TLK1: variants seen among roughly 807,000 people sequenced by gnomAD.
TLK1 encodes the protein serine/threonine-protein kinase tousled-like 1.
TLK1 carries 24 observed loss-of-function variants against 105.3 expected under a neutral mutation model. That is an observed-to-expected ratio of 0.23 (90% confidence interval 0.17 to 0.32). TLK1 has a LOEUF of 0.32. Ranked by LOEUF, TLK1 falls within the 10% of genes least tolerant of loss-of-function variation. The probability of loss-of-function intolerance (pLI) is 1.00; values close to 1 mark genes in which losing one functional copy is unlikely to be tolerated. For missense variants in TLK1, 558 were observed against 910.5 expected (o/e 0.61, Z 4.98); for synonymous variants, 321 against 310.4 (o/e 1.03, Z -0.36).
intron 11 of TLK1, among the ~76,000 whole-genome samples, chr2:171,044,272 A>G (rs1686832965): frequency 1.3e-5 from 2 of 152,156 alleles, no homozygotes. Flanking sequence ...AACAATAAAA[A>G]ATAAAAATAA....
intron 2 of TLK1, among the ~76,000 whole-genome samples, chr2:171,114,180 C>T (rs925013645): frequency 6.6e-6 from 1 of 151,872 alleles, no homozygotes; most frequent in African/African-American, 2.4e-5. Flanking sequence ...CCCAACTATA[C>T]TAAAAAACAA....
intron 1 of TLK1, among the ~76,000 whole-genome samples, chr2:171,229,243 G>A (rs13420362): frequency 0.054 from 8,275 of 152,188 alleles, 485 homozygotes; most frequent in East Asian, 0.25. Context: ...GGAAGGAACT[G>A]GAAATCTCAT....
At chr2:171,069,691 G>A (rs1189173800) in intron 3 of TLK1, among the ~76,000 whole-genome samples, 4 of 152,086 alleles carry the variant, frequency 2.6e-5, no homozygotes, top group South Asian at 4.2e-4. Flanking sequence ...CTAACTGTAC[G>A]GTGTGCTTTT....
chr2:171,020,823 G>A (rs1481357137), intron 12 of TLK1, among the ~76,000 whole-genome samples: 3 of 152,062 alleles, frequency 2.0e-5, no homozygotes, highest in Non-Finnish European at 4.4e-5. Context: ...GAATAATTGT[G>A]TAGATTGGGG....
intron 10 of TLK1, among the ~76,000 whole-genome samples, chr2:171,049,433 A>G (rs1687126501): frequency 6.6e-6 from 1 of 152,212 alleles, no homozygotes; most frequent in Non-Finnish European, 1.5e-5. Context: ...GCTGAACATT[A>G]ACATGTAAGG....
intron 1 of TLK1, among the ~76,000 whole-genome samples, chr2:171,150,623 AAG>A (rs1691994540): frequency 6.6e-6 from 1 of 152,218 alleles, no homozygotes; most frequent in Non-Finnish European, 1.5e-5. Context: ...GACATCAGGA[AAG>A]AGAAGCTGTC....
intron 1 of TLK1, among the ~76,000 whole-genome samples, chr2:171,202,058 T>C (rs1481515411): frequency 1.3e-5 from 2 of 152,238 alleles, no homozygotes; most frequent in African/African-American, 4.8e-5. Flanking sequence ...TAATGTTTAT[T>C]GAGTTCTTAC....
chr2:171,187,057 C>CAAA (rs71013019), intron 1 of TLK1, among the ~76,000 whole-genome samples: 14 of 34,020 alleles, frequency 4.1e-4, no homozygotes, highest in Non-Finnish European at 4.9e-4. Context: ...GACTCTGTCT[C>CAAA]AAAAAAAAAA....
At chr2:171,187,007 G>A (rs1347192787) in intron 1 of TLK1, among the ~76,000 whole-genome samples, 1 of 123,362 alleles carries the variant, frequency 8.1e-6, no homozygotes, top group Non-Finnish European at 1.6e-5. Flanking sequence ...GCAGTGAGCC[G>A]AGATCATGCC....
At chr2:171,225,274 T>C (rs1693878086) in intron 1 of TLK1, among the ~76,000 whole-genome samples, 1 of 152,092 alleles carries the variant, frequency 6.6e-6, no homozygotes, top group South Asian at 2.1e-4. Flanking sequence ...ATAATAACTC[T>C]TACAATTCAA....
intron 3 of TLK1, among the ~76,000 whole-genome samples, chr2:171,068,222 G>C (rs1026557472): frequency 6.6e-6 from 1 of 152,132 alleles, no homozygotes; most frequent in East Asian, 1.9e-4. Flanking sequence ...CCAACTACTC[G>C]GGAGGTTGAG....
chr2:170,996,545 C>T, intron 20 of TLK1, 108 bp downstream of exon 20: 4 of 804,300 alleles, frequency 5.0e-6, no homozygotes, highest in Non-Finnish European at 7.9e-6. Context: ...AGATCCCCTG[C>T]AGCAGCGAGT....
chr2:171,120,018 C>T (rs1374347184), intron 1 of TLK1, among the ~76,000 whole-genome samples: 1 of 151,840 alleles, frequency 6.6e-6, no homozygotes, highest in African/African-American at 2.4e-5. Context: ...AGGCCAAGGC[C>T]GGCAGATCAC....
chr2:171,219,604 C>CTT (rs113945899), intron 1 of TLK1, among the ~76,000 whole-genome samples: 5 of 142,604 alleles, frequency 3.5e-5, no homozygotes, highest in Admixed American at 7.1e-5. Context: ...CTCCCCCCAC[C>CTT]TTTTTTTTTT....
chr2:171,155,167 T>A (rs191443772), intron 1 of TLK1, among the ~76,000 whole-genome samples: 5 of 152,258 alleles, frequency 3.3e-5, no homozygotes, highest in Admixed American at 2.6e-4. Flanking sequence ...TAGAATAACT[T>A]AAGCATATTA....
chr2:171,163,124 T>C (rs528418480), upstream of TLK1, among the ~76,000 whole-genome samples: 32 of 152,356 alleles, frequency 2.1e-4, no homozygotes, highest in Admixed American at 9.1e-4. Context: ...CATTATTTTT[T>C]TGAGAGATTC....
intron 1 of TLK1, among the ~76,000 whole-genome samples, chr2:171,199,624 T>C (rs1278685079): frequency 6.6e-6 from 1 of 152,184 alleles, no homozygotes; most frequent in Non-Finnish European, 1.5e-5. Context: ...CCTCAGCCAG[T>C]GGATCTTCCT....
At chr2:170,998,093 C>CTAT (rs1559331640) in intron 18 of TLK1, among the ~76,000 whole-genome samples, 1,634 of 35,392 alleles carry the variant, frequency 0.046, 13 homozygotes, top group East Asian at 0.093. Flanking sequence ...TATCTATCTA[C>CTAT]CTACCTACCT....
chr2:171,220,086 T>C (rs1443474156), intron 1 of TLK1, among the ~76,000 whole-genome samples: 1 of 152,210 alleles, frequency 6.6e-6, no homozygotes, highest in Non-Finnish European at 1.5e-5. Flanking sequence ...TGATTGCATT[T>C]AGGGCATACC....
Sources: allele counts gnomAD v4.1 joint callset (sites outside exome capture counted in the v4.1 genomes callset), GRCh38; gene constraint gnomAD v4.1.1; transcripts MANE v1.5; gene names NCBI Gene and HGNC (gene_info 2026-07-23, HGNC 2026-07-21).